The following CDH18 variants were observed in gnomAD, a reference collection of about 807,000 sequenced individuals.
CDH18 encodes cadherin-18.
A neutral mutation model predicts 67.9 loss-of-function variants in CDH18; 31 were observed. The observed-to-expected ratio is 0.46, with a 90% confidence interval of 0.34 to 0.62. The LOEUF is 0.62. CDH18 is among the 20% of genes least tolerant of loss of function. The probability of loss-of-function intolerance (pLI) is 0.01; values close to 1 mark genes in which losing one functional copy is unlikely to be tolerated. For synonymous variants in CDH18, 362 were observed against 347.2 expected (o/e 1.04, Z -0.48); for missense variants, 890 against 975.5 (o/e 0.91, Z 1.17).
At chr5:19,569,034 C>T (rs879728999) in intron 8 of CDH18, among the ~76,000 whole-genome samples, 1 of 152,172 alleles carries the variant, frequency 6.6e-6, no homozygotes, top group Non-Finnish European at 1.5e-5. Flanking sequence ...CCCCCTTGGC[C>T]TACCTTTCAC....
chr5:19,812,688 A>T (rs79424119), intron 3 of CDH18, among the ~76,000 whole-genome samples: 1,693 of 152,258 alleles, frequency 0.011, 29 homozygotes, highest in African/African-American at 0.038. Flanking sequence ...ATGCATTAAA[A>T]ATTACAGTAG....
chr5:20,289,784 A>G (rs1334754421), intron 1 of CDH18, among the ~76,000 whole-genome samples: 1 of 152,076 alleles, frequency 6.6e-6, no homozygotes, highest in African/African-American at 2.4e-5. Context: ...TCAGATACAC[A>G]TTAAACTACA....
At chr5:20,009,931 T>A (rs894189292) in intron 2 of CDH18, among the ~76,000 whole-genome samples, 1 of 152,160 alleles carries the variant, frequency 6.6e-6, no homozygotes, top group Non-Finnish European at 1.5e-5. Flanking sequence ...GGTTGAGAAC[T>A]ATTTTCTTTC....
intron 2 of CDH18, among the ~76,000 whole-genome samples, chr5:20,007,768 T>C (rs1476140698): frequency 2.0e-5 from 3 of 151,578 alleles, no homozygotes; most frequent in African/African-American, 7.3e-5. Flanking sequence ...GAACTAAGAA[T>C]GTTTTTACAT....
At chr5:20,238,565 C>G (rs1054192918) in intron 2 of CDH18, among the ~76,000 whole-genome samples, 1 of 151,970 alleles carries the variant, frequency 6.6e-6, no homozygotes, top group Non-Finnish European at 1.5e-5. Context: ...CAAGTTTTGA[C>G]AAAATTGTAC....
At chr5:20,301,161 T>C (rs1248482606) in intron 1 of CDH18, among the ~76,000 whole-genome samples, 1 of 151,770 alleles carries the variant, frequency 6.6e-6, no homozygotes, top group Non-Finnish European at 1.5e-5. Context: ...AGAGTAATTG[T>C]ATAGACAGTG....
chr5:19,677,947 T>A (rs909619958), intron 5 of CDH18, among the ~76,000 whole-genome samples: 3 of 151,922 alleles, frequency 2.0e-5, no homozygotes, highest in Non-Finnish European at 4.4e-5. Context: ...TCAAATTAAA[T>A]ATATATGTTA....
At chr5:19,581,059 C>G (rs1743166146) in intron 7 of CDH18, among the ~76,000 whole-genome samples, 1 of 151,872 alleles carries the variant, frequency 6.6e-6, no homozygotes, top group Non-Finnish European at 1.5e-5. Flanking sequence ...AGCTAAGAAA[C>G]TAAAATGCTA....
intron 2 of CDH18, among the ~76,000 whole-genome samples, chr5:19,968,536 C>T (rs1277700647): frequency 6.6e-6 from 1 of 151,546 alleles, no homozygotes; most frequent in African/African-American, 2.4e-5. Context: ...AGAAATAACG[C>T]CACATATCTA....
chr5:19,966,913 T>C (rs13169937), intron 2 of CDH18, among the ~76,000 whole-genome samples: 64,765 of 151,778 alleles, frequency 0.43, 16,117 homozygotes, highest in Middle Eastern at 0.66. Context: ...TTATATTGAA[T>C]GTACATAATT....
intron 1 of CDH18, among the ~76,000 whole-genome samples, chr5:20,296,386 T>C (rs994784427): frequency 2.0e-5 from 3 of 151,334 alleles, no homozygotes; most frequent in Non-Finnish European, 3.0e-5. Flanking sequence ...CTCAGCCTCC[T>C]GAGTAGCTGG....
chr5:19,588,150 T>G (rs192559109), intron 7 of CDH18, among the ~76,000 whole-genome samples: 2 of 152,276 alleles, frequency 1.3e-5, no homozygotes, highest in Non-Finnish European at 2.9e-5. Flanking sequence ...TCCTGAGACT[T>G]TGCTGAAGTT....
chr5:19,637,701 G>A (rs959879477), intron 5 of CDH18, among the ~76,000 whole-genome samples: 2 of 152,060 alleles, frequency 1.3e-5, no homozygotes, highest in African/African-American at 4.8e-5. Flanking sequence ...ATCCCGGCCT[G>A]CCTGTAGCAA....
intron 11 of CDH18, among the ~76,000 whole-genome samples, chr5:19,484,619 C>A (rs1376419474): frequency 6.6e-6 from 1 of 152,176 alleles, no homozygotes; most frequent in Non-Finnish European, 1.5e-5. Context: ...ATATAACTAA[C>A]GACTCACTGC....
intron 5 of CDH18, among the ~76,000 whole-genome samples, chr5:19,642,093 C>A (rs949368538): frequency 6.6e-6 from 1 of 151,522 alleles, no homozygotes; most frequent in Non-Finnish European, 1.5e-5. Flanking sequence ...TTCACAAAAA[C>A]AAAAAGAATA....
intron 6 of CDH18, among the ~76,000 whole-genome samples, chr5:19,610,787 C>G (rs1466464609): frequency 6.6e-6 from 1 of 151,982 alleles, no homozygotes; most frequent in Non-Finnish European, 1.5e-5. Context: ...CATTGTTGAA[C>G]TAAGTGATAA....
At chr5:20,348,356 T>C (rs1406715267) in intron 1 of CDH18, among the ~76,000 whole-genome samples, 1 of 152,090 alleles carries the variant, frequency 6.6e-6, no homozygotes, top group East Asian at 1.9e-4. Context: ...GAGAAAATAC[T>C]AATGCAAAAT....
intron 1 of CDH18, among the ~76,000 whole-genome samples, chr5:20,465,928 T>A (rs1380064687): frequency 6.6e-6 from 1 of 152,036 alleles, no homozygotes; most frequent in Non-Finnish European, 1.5e-5. Flanking sequence ...TTATCTTAAC[T>A]AAGGTGACAA....
intron 2 of CDH18, among the ~76,000 whole-genome samples, chr5:20,068,292 T>A (rs1561764605): frequency 6.7e-6 from 1 of 149,738 alleles, no homozygotes; most frequent in South Asian, 2.1e-4. Context: ...GTGGAAAGAC[T>A]GAAGACTATA....
Sources: gnomAD v4.1 joint callset for allele counts (sites outside exome capture counted in the v4.1 genomes callset) on GRCh38, gnomAD v4.1.1 for gene constraint, MANE v1.5 for transcripts, NCBI Gene and HGNC (gene_info 2026-07-23, HGNC 2026-07-21) for gene names.